CFAP91: variants seen among roughly 807,000 people sequenced by gnomAD.
CFAP91 encodes cilia- and flagella-associated protein 91.
Under a neutral mutation model 95.9 loss-of-function variants are expected in CFAP91, and 85 were observed. The observed-to-expected ratio is 0.89, with a 90% CI of 0.74 to 1.06. The LOEUF is 1.06. Among genes scored for constraint, CFAP91 ranks in the 50% least tolerant of loss-of-function variants. CFAP91 has a pLI of 0.00. For synonymous variants in CFAP91, 335 were observed against 327.5 expected (o/e 1.02, Z -0.25); for missense variants, 962 against 943.4 (o/e 1.02, Z -0.26).
At chr3:119,742,397 C>T (rs760366554) in intron 13 of CFAP91, among the ~76,000 whole-genome samples, 11 of 152,212 alleles carry the variant, frequency 7.2e-5, no homozygotes, top group East Asian at 1.9e-4. Context: ...CCCCCAATTA[C>T]GTAACACAGT....
intron 8 of CFAP91, among the ~76,000 whole-genome samples, chr3:119,731,627 G>A (rs997508496): frequency 6.6e-6 from 1 of 152,162 alleles, no homozygotes; most frequent in African/African-American, 2.4e-5. Context: ...TGGCACACAG[G>A]CCCCCTCTTG....
intron 17 of CFAP91, among the ~76,000 whole-genome samples, chr3:119,763,660 G>A (rs896310735): frequency 3.3e-5 from 5 of 151,930 alleles, no homozygotes; most frequent in Non-Finnish European, 1.5e-5. Context: ...GCAGCAACAT[G>A]TCTGAACCTG....
intron 9 of CFAP91, among the ~76,000 whole-genome samples, 187 bp from the exon 10 acceptor site, chr3:119,733,177 C>G (rs1179719051): frequency 6.6e-6 from 1 of 152,196 alleles, no homozygotes; most frequent in Non-Finnish European, 1.5e-5. Flanking sequence ...AAGTCACTGA[C>G]AACATGAGTT....
At chr3:119,730,418 G>A (rs1295752443) in intron 8 of CFAP91, 41 bp downstream of exon 8, 23 of 1,584,262 alleles carry the variant, frequency 1.5e-5, no homozygotes, top group Non-Finnish European at 1.9e-5. Context: ...TGGAAAAGTG[G>A]GCTTTGCTTT....
intron 17 of CFAP91, among the ~76,000 whole-genome samples, chr3:119,760,194 TACTC>T (rs779621867): frequency 6.6e-6 from 1 of 151,816 alleles, no homozygotes; most frequent in Non-Finnish European, 1.5e-5. Flanking sequence ...TGAAAAAAGA[TACTC>T]AATGCAAATG....
At position 119,765,552 on chromosome 3, in the gene CFAP91, A is replaced by C. The variant is rs2054612457; in HGVS notation, c.*502A>C. ...AGTAGTGGTGTTCACAATAGTCCCAAACTGGAAACCCAAGTGTCCATCTCC... is the reference window on the plus strand; with the variant it reads ...AGTAGTGGTGTTCACAATAGTCCCACACTGGAAACCCAAGTGTCCATCTCC... On this transcript the variant is annotated 3_prime_UTR_variant, in exon 18 of 18. Coordinates refer to ENST00000273390, the MANE Select transcript of CFAP91 (RefSeq NM_033364.4). 2 of 152,248 alleles carry C rather than the reference A, an allele frequency of 1.3e-5. No individual in the cohort carries two copies. The highest frequency in any genetic ancestry group is 1.3e-4 in the Admixed American group (2 of 15,288). 9.4% of individuals were successfully genotyped at this position (152,248 alleles called of 1,614,324 possible). A position where few individuals can be genotyped will look rare whatever the true frequency, so the allele number is the denominator to read the frequency against.
At chr3:119,758,688 A>C (rs2054478123) in intron 17 of CFAP91, among the ~76,000 whole-genome samples, 1 of 152,174 alleles carries the variant, frequency 6.6e-6, no homozygotes, top group Admixed American at 6.5e-5. Flanking sequence ...TTTATATAAA[A>C]GTATATAATT....
rs1182876976 is a variant in CFAP91 at position 119,707,447 on chromosome 3, A to G, written c.245A>G (p.His82Arg). The stretch of plus-strand genomic sequence containing the variant: ...AAAACCATGTTCAGTAACCTGATCC[A>G]TTATCCAAGATATTCTCTATATTGG... ...RFKTMFSNLI[H>R]YPRYSLYWSK... Residue 82 changes from histidine (H) to arginine (R), a missense_variant, in exon 3 of 18, where the codon CAT (histidine) becomes CGT (arginine). Coordinates refer to ENST00000273390, the MANE Select transcript of CFAP91 (RefSeq NM_033364.4). The G allele has an allele frequency of 5.7e-6, 9 of 1,586,030 alleles. No individual in the cohort carries two copies. Among genetic ancestry groups the G allele is most frequent in the East Asian group, 2.3e-5 (1 of 44,434 alleles).
intron 8 of CFAP91, among the ~76,000 whole-genome samples, chr3:119,731,743 A>G (rs911704561): frequency 1.3e-5 from 2 of 152,210 alleles, no homozygotes; most frequent in Non-Finnish European, 2.9e-5. Flanking sequence ...AGAGAAAAGG[A>G]GCACAGGAGG....
At chr3:119,752,968 G>A (rs1347303801) in intron 17 of CFAP91, among the ~76,000 whole-genome samples, 12 of 152,180 alleles carry the variant, frequency 7.9e-5, no homozygotes, top group African/African-American at 2.9e-4. Context: ...GCAGAGGGAA[G>A]CAGAGAATGA....
intron 13 of CFAP91, among the ~76,000 whole-genome samples, chr3:119,743,683 G>GA (rs1282319260): frequency 6.6e-6 from 1 of 151,698 alleles, no homozygotes; most frequent in Non-Finnish European, 1.5e-5. Flanking sequence ...AAAATTGAAA[G>GA]AAAAAAAACC....
rs201045322 is a variant in CFAP91 at position 119,744,108 on chromosome 3, G to T, written c.1814G>T (p.Arg605Leu). 4.3e-6 allele frequency: 7 copies of T among 1,614,188 alleles called. No individual in the cohort carries two copies. The African/African-American group carries it at 5.3e-5, about 12-fold the overall frequency. ...CATGCCTTTGTCATGCTGGCTGAGC[G>T]CCAGCGGCGGGTACGAGAGGCTGAA... ...RIHAFVMLAE[R>L]QRRVREAEES... Residue 605 changes from arginine (R) to leucine (L), a missense_variant, in exon 14 of 18, where the codon CGC becomes CTC. Arg to Leu is a moderately radical substitution (Grantham distance 102). Coordinates refer to ENST00000273390, the MANE Select transcript of CFAP91 (RefSeq NM_033364.4).
chr3:119,713,658 C>T (rs1011367117), intron 5 of CFAP91, among the ~76,000 whole-genome samples: 1 of 151,458 alleles, frequency 6.6e-6, no homozygotes, highest in African/African-American at 2.4e-5. Flanking sequence ...AAAGAAGATT[C>T]AGAAAAGTAT....
chr3:119,750,939 A>C lies in CFAP91; in HGVS notation c.2146A>C (p.Arg716=). The change falls in exon 17 of 18, where the codon AGG becomes CGG. Residue 716 remains arginine, a splice_region_variant and synonymous_variant. Coordinates refer to ENST00000273390, the MANE Select transcript of CFAP91 (RefSeq NM_033364.4). ...ATTTTTCTATTACTTTGGCACAGTG[A>C]GGAACGCACAGCGGAAACATATTCT... ...VQKYFVKEKV[R]NAQRKHILAA... 2 of 1,613,936 alleles carry C rather than the reference A, an allele frequency of 1.2e-6. No homozygotes were observed. The highest frequency in any genetic ancestry group is 1.7e-6 in the Non-Finnish European group (2 of 1,179,844).
rs755983804 is a variant in CFAP91 at position 119,744,206 on chromosome 3, G to A, written c.1902+10G>A. 9.4e-6 allele frequency: 15 copies of A among 1,600,016 alleles called. No individual in the cohort carries two copies. The Admixed American group carries it at 2.5e-4, about 27-fold the overall frequency. ...CGAGATATTTAAGGAGGCAAGTAGGGGCAGCTGGGTGTGTGGAAGCTGCCT... is the reference window on the plus strand; with the variant it reads ...CGAGATATTTAAGGAGGCAAGTAGGAGCAGCTGGGTGTGTGGAAGCTGCCT... On this transcript the variant is annotated intron_variant, in intron 14 of 17. Transcript: ENST00000273390.
chr3:119,754,676 A>G (rs1372683077), intron 17 of CFAP91, among the ~76,000 whole-genome samples: 2 of 152,246 alleles, frequency 1.3e-5, no homozygotes, highest in Non-Finnish European at 2.9e-5. Context: ...AGAGATCATC[A>G]GGGCCATTGT....
chr3:119,759,036 C>T (rs1343480133), intron 17 of CFAP91, among the ~76,000 whole-genome samples: 1 of 151,876 alleles, frequency 6.6e-6, no homozygotes, highest in Non-Finnish European at 1.5e-5. Context: ...AAATGAGTAT[C>T]CTTGATTTTG....
In CFAP91 at chr3:119,765,339, A is replaced by G. The variant is rs960506549; in HGVS notation, c.*289A>G. On this transcript the variant is annotated 3_prime_UTR_variant, in exon 18 of 18. Coordinates refer to ENST00000273390, the MANE Select transcript of CFAP91 (RefSeq NM_033364.4). ...ACTATGAGGATGTGCTGGTTTGTTG[A>G]ATCAAACAAAAGGAAATGTTGTGGA... The G allele has an allele frequency of 6.6e-6, 1 of 152,216 alleles. No homozygotes were observed. The highest frequency in any genetic ancestry group is 1.5e-5 in the Non-Finnish European group (1 of 68,036). 9.4% of individuals were successfully genotyped at this position (152,216 alleles called of 1,614,324 possible).
intron 8 of CFAP91, among the ~76,000 whole-genome samples, chr3:119,731,065 C>A (rs913013164): frequency 6.6e-6 from 1 of 151,870 alleles, no homozygotes; most frequent in Admixed American, 6.6e-5. Context: ...AGTGAGACCA[C>A]GTCTCTACAA....
Sources: gnomAD v4.1 joint callset for allele counts (sites outside exome capture counted in the v4.1 genomes callset) on GRCh38, gnomAD v4.1.1 for gene constraint, MANE v1.5 for transcripts, NCBI Gene and HGNC (gene_info 2026-07-23, HGNC 2026-07-21) for gene names.